The following ELK4 variants were observed in gnomAD, a reference collection of about 807,000 sequenced individuals.
The protein encoded by ELK4 is ETS domain-containing protein Elk-4.
ELK4 carries 16 observed loss-of-function variants against 29.6 expected under a neutral mutation model. The ratio of observed to expected loss-of-function variants is 0.54; its 90% CI spans 0.37 to 0.82. The LOEUF (loss-of-function observed/expected upper bound fraction) is 0.82. ELK4 is among the 40% of genes least tolerant of loss of function. ELK4 has a pLI of 0.00. For missense variants in ELK4, 465 were observed against 507.1 expected (o/e 0.92, Z 0.80); for synonymous variants, 213 against 191.1 (o/e 1.11, Z -0.95).
chr1:205,624,998 C>T (rs961061458), intron 1 of ELK4, among the ~76,000 whole-genome samples: 11 of 151,916 alleles, frequency 7.2e-5, no homozygotes, highest in Admixed American at 1.3e-4. Flanking sequence ...TAAGTGTGTC[C>T]TAAGAATCTT....
chr1:205,619,662 C>T (rs973146014), intron 3 of ELK4: 53 of 1,370,046 alleles, frequency 3.9e-5, no homozygotes, highest in Non-Finnish European at 4.6e-5. Context: ...AAGACACCAA[C>T]GAGTTTTATA....
intron 1 of ELK4, among the ~76,000 whole-genome samples, chr1:205,629,517 G>C (rs1398861615): frequency 6.6e-6 from 1 of 151,864 alleles, no homozygotes; most frequent in Non-Finnish European, 1.5e-5. Flanking sequence ...AGGGGTTCTA[G>C]ACCAGCCTGG....
intron 4 of ELK4, among the ~76,000 whole-genome samples, chr1:205,617,910 A>AT (rs966830094): frequency 6.6e-6 from 1 of 151,922 alleles, no homozygotes; most frequent in Non-Finnish European, 1.5e-5. Flanking sequence ...TCAAAAAAAA[A>AT]TTTTTTTTAA....
At chr1:205,623,132 T>A (rs1302715991) in intron 2 of ELK4, among the ~76,000 whole-genome samples, 1 of 132,480 alleles carries the variant, frequency 7.5e-6, no homozygotes, top group Non-Finnish European at 1.6e-5. Context: ...CACTCCAGCC[T>A]GGGCGACAGA....
rs1670148337 is a variant in ELK4, at chr1:205,611,365, A to G, written c.*5181T>C. 1 of 211,318 alleles carries G rather than the reference A, an allele frequency of 4.7e-6. No individual in the cohort carries two copies. Among genetic ancestry groups the G allele is most frequent in the East Asian group, 7.1e-5 (1 of 14,098 alleles). The allele number at this position is 211,318 out of a possible 1,614,324, so 13.1% of individuals were successfully genotyped here. A position where few individuals can be genotyped will look rare whatever the true frequency, so the allele number is the denominator to read the frequency against. ...TCAAACCACCTTCTTTTCTTAATACACGACCAACCACAAGAATTCTAGATC... is the reference window on the plus strand; with the variant it reads ...TCAAACCACCTTCTTTTCTTAATACGCGACCAACCACAAGAATTCTAGATC... On this transcript the variant is annotated 3_prime_UTR_variant, in exon 5 of 5. Transcript: ENST00000357992.
At position 205,612,747 on chromosome 1, in the gene ELK4, T is replaced by C. The variant is rs1670171395; in HGVS notation, c.*3799A>G. ...GGACGTCACACAATGCAGGGGTGAA[T>C]GGAACTGAAGTGATACTATCAACAG... On this transcript the variant is annotated 3_prime_UTR_variant, in exon 5 of 5. Transcript: ENST00000357992. 4.8e-6 allele frequency: 1 copy of C among 210,158 alleles called. No homozygotes were observed. The highest frequency in any genetic ancestry group is 2.3e-5 in the African/African-American group (1 of 44,070). The allele number at this position is 210,158 out of a possible 1,614,324, so 13.0% of individuals were successfully genotyped here. A position where few individuals can be genotyped will look rare whatever the true frequency, so the allele number is the denominator to read the frequency against.
In ELK4 at chr1:205,612,399, C is replaced by T; in HGVS notation, c.*4147G>A. ...TACTATAACTGCTACTCAAGAATTA[C>T]TTTTTATGCCATCCTTCACTTCAAT... On this transcript the variant is annotated 3_prime_UTR_variant, in exon 5 of 5. Coordinates refer to ENST00000357992, the MANE Select transcript of ELK4 (RefSeq NM_001973.4). 4.6e-6 allele frequency: 1 copy of T among 218,534 alleles called. No individual in the cohort carries two copies. Among genetic ancestry groups the T allele is most frequent in the Non-Finnish European group, 9.2e-6 (1 of 108,882 alleles). 13.5% of individuals were successfully genotyped at this position (218,534 alleles called of 1,614,324 possible). A position where few individuals can be genotyped will look rare whatever the true frequency, so the allele number is the denominator to read the frequency against.
intron 4 of ELK4, among the ~76,000 whole-genome samples, chr1:205,617,506 T>A (rs1670250219): frequency 6.6e-6 from 1 of 151,942 alleles, no homozygotes; most frequent in African/African-American, 2.4e-5. Flanking sequence ...TTCATTTTTT[T>A]AAAAATGTAC....
At position 205,616,536 on chromosome 1, in the gene ELK4, A is replaced by G; in HGVS notation, c.*10T>C. On this transcript the variant is annotated 3_prime_UTR_variant, in exon 5 of 5. Coordinates refer to ENST00000357992, the MANE Select transcript of ELK4 (RefSeq NM_001973.4). ...CGTTCCTCGGTTCTCTCATTCCACAAGTGCATAGGTTATGTCTTCTGTAGG... is the reference window on the plus strand; with the variant it reads ...CGTTCCTCGGTTCTCTCATTCCACAGGTGCATAGGTTATGTCTTCTGTAGG... 1 of 1,612,306 alleles carries G rather than the reference A, an allele frequency of 6.2e-7. No individual in the cohort carries two copies. The highest frequency in any genetic ancestry group is 8.5e-7 in the Non-Finnish European group (1 of 1,178,422).
At position 205,616,330 on chromosome 1, in the gene ELK4, T is replaced by G; in HGVS notation, c.*216A>C. 2.4e-6 allele frequency: 1 copy of G among 420,506 alleles called. No homozygotes were observed. The allele number at this position is 420,506 out of a possible 1,614,324, so 26.0% of individuals were successfully genotyped here. A position where few individuals can be genotyped will look rare whatever the true frequency, so the allele number is the denominator to read the frequency against. On this transcript the variant is annotated 3_prime_UTR_variant, in exon 5 of 5. Coordinates refer to ENST00000357992, the MANE Select transcript of ELK4 (RefSeq NM_001973.4). ...AAGAAAAGGAAAAGACAGAGGGAGGTGGAGTTTAGACTCCAATTAAGGCAT... is the reference window on the plus strand; with the variant it reads ...AAGAAAAGGAAAAGACAGAGGGAGGGGGAGTTTAGACTCCAATTAAGGCAT...
At chr1:205,620,928 G>A in intron 2 of ELK4, 90 bp from the exon 3 acceptor site, 1 of 1,370,040 alleles carries the variant, frequency 7.3e-7, no homozygotes, top group Admixed American at 2.6e-5. Flanking sequence ...CAGGCACAGT[G>A]GCTCATGCCT....
chr1:205,625,939 A>G, intron 1 of ELK4: 1 of 837,638 alleles, frequency 1.2e-6, no homozygotes, highest in South Asian at 1.3e-5. Context: ...GGCCTCCCAA[A>G]ATGCTGGGAT....
intron 3 of ELK4, chr1:205,619,700 G>C (rs1670296588): frequency 2.3e-5 from 33 of 1,432,790 alleles, no homozygotes; most frequent in Non-Finnish European, 4.6e-6. Flanking sequence ...GAGAGTGTGT[G>C]TACTTTCTTT....
At chr1:205,626,065 G>A (rs572037945) in intron 1 of ELK4, 3 of 1,201,234 alleles carry the variant, frequency 2.5e-6, no homozygotes, top group African/African-American at 3.0e-5. Flanking sequence ...CTGCCCACCA[G>A]TGCCACAATG....
intron 1 of ELK4, chr1:205,626,236 A>G: frequency 7.5e-6 from 4 of 529,912 alleles, no homozygotes; most frequent in South Asian, 3.5e-5. Context: ...CCAAGCTCAA[A>G]CACCACCTCC....
chr1:205,616,649 G>C lies in ELK4; in HGVS notation c.1198-5C>G, dbSNP rs1670235939. On this transcript the variant is annotated splice_polypyrimidine_tract_variant and splice_region_variant and intron_variant, in intron 4 of 4. Transcript: ENST00000357992. ...ACTGTTCAGTACAGAAGGAAACTGA[G>C]AAAGAAAACAAAACACATTATCATC... is the stretch of plus-strand genomic sequence containing the variant. The C allele has an allele frequency of 6.2e-7, 1 of 1,610,396 alleles. No homozygotes were observed. The highest frequency in any genetic ancestry group is 1.3e-5 in the African/African-American group (1 of 75,000).
rs931272077 is a variant in ELK4, at chr1:205,612,532, C to G, written c.*4014G>C. 1 of 213,632 alleles carries G rather than the reference C, an allele frequency of 4.7e-6. No homozygotes were observed. Among genetic ancestry groups the G allele is most frequent in the African/African-American group, 2.3e-5 (1 of 44,216 alleles). 13.2% of individuals were successfully genotyped at this position (213,632 alleles called of 1,614,324 possible). On this transcript the variant is annotated 3_prime_UTR_variant, in exon 5 of 5. Coordinates refer to ENST00000357992, the MANE Select transcript of ELK4 (RefSeq NM_001973.4). ...GGGAAAGTTTTTATGTTCAATAACT[C>G]TTACTGATCAATTTGTGTGTTCAAA...
chr1:205,629,593 T>A (rs1670537404), intron 1 of ELK4, among the ~76,000 whole-genome samples: 1 of 152,152 alleles, frequency 6.6e-6, no homozygotes, highest in Non-Finnish European at 1.5e-5. Context: ...GGTGGGCACC[T>A]GTAATTCCAG....
chr1:205,626,245 C>G (rs1354109767), intron 1 of ELK4: 4 of 507,862 alleles, frequency 7.9e-6, no homozygotes, highest in African/African-American at 7.8e-5. Flanking sequence ...AACACCACCT[C>G]CCTTATTCAG....
Sources: gnomAD v4.1 joint callset for allele counts (sites outside exome capture counted in the v4.1 genomes callset) on GRCh38, gnomAD v4.1.1 for gene constraint, MANE v1.5 for transcripts, NCBI Gene and HGNC (gene_info 2026-07-23, HGNC 2026-07-21) for gene names.